Variants in PCNX2 observed in about 807,000 individuals in gnomAD.
PCNX2 encodes the protein pecanex 2, also known as pecanex-like protein 2.
Under a neutral mutation model 223.8 loss-of-function variants are expected in PCNX2, and 168 were observed. That is an observed-to-expected ratio of 0.75 (90% CI 0.66 to 0.85). The LOEUF (loss-of-function observed/expected upper bound fraction) is 0.85. Ranked by LOEUF, PCNX2 falls within the 40% of genes least tolerant of loss-of-function variation. The pLI, the probability that PCNX2 is intolerant of heterozygous loss-of-function variation, is 0.00. For missense variants in PCNX2, 2,507 were observed against 2,675.5 expected (o/e 0.94, Z 1.39); for synonymous variants, 1,006 against 1,052.6 (o/e 0.96, Z 0.86).
At chr1:233,024,723 T>G (rs1276363973) in intron 26 of PCNX2, among the ~76,000 whole-genome samples, 1 of 152,232 alleles carries the variant, frequency 6.6e-6, no homozygotes, top group Non-Finnish European at 1.5e-5. Context: ...TAGCTACATT[T>G]TGAGTTCTCC....
At chr1:233,183,325 G>A (rs888353592) in intron 15 of PCNX2, among the ~76,000 whole-genome samples, 5 of 152,046 alleles carry the variant, frequency 3.3e-5, no homozygotes, top group African/African-American at 1.2e-4. Flanking sequence ...CCAACAAGGG[G>A]CAACCTTACA....
chr1:232,998,216 T>A, intron 32 of PCNX2, 35 bp downstream of exon 32: 2 of 1,490,070 alleles, frequency 1.3e-6, no homozygotes, highest in Non-Finnish European at 1.8e-6. Context: ...CAAATAGGAC[T>A]TCATCGATAG....
At chr1:233,289,423 C>G (rs113056905) in intron 1 of PCNX2, 23 of 1,417,948 alleles carry the variant, frequency 1.6e-5, no homozygotes, top group Middle Eastern at 2.5e-4. Context: ...TTAGGCTTCA[C>G]GATCTTGGCG....
chr1:233,309,932 C>G, the PCNX2 span, among the ~76,000 whole-genome samples: 3 of 151,810 alleles, frequency 2.0e-5, no homozygotes, highest in Non-Finnish European at 4.4e-5. Context: ...TAAGAAACAA[C>G]CAAAAGAAGG....
intron 25 of PCNX2, chr1:233,033,265 A>G: frequency 1.1e-6 from 1 of 902,542 alleles, no homozygotes; most frequent in Admixed American, 6.2e-5. Context: ...AAGAAGGAAT[A>G]AACTTAATCT....
chr1:233,233,892 G>A (rs1474494697), intron 9 of PCNX2, among the ~76,000 whole-genome samples: 1 of 151,994 alleles, frequency 6.6e-6, no homozygotes, highest in Non-Finnish European at 1.5e-5. Flanking sequence ...TGGCCAGGTC[G>A]TTTCTCTGTC....
At chr1:233,013,226 C>T (rs191652551) in intron 28 of PCNX2, among the ~76,000 whole-genome samples, 36 of 152,270 alleles carry the variant, frequency 2.4e-4, no homozygotes, top group Non-Finnish European at 4.3e-4. Flanking sequence ...CCTGTAAAAA[C>T]GATCATGAAA....
chr1:233,143,282 G>T (rs142701685), intron 19 of PCNX2, among the ~76,000 whole-genome samples: 2 of 152,080 alleles, frequency 1.3e-5, no homozygotes, highest in African/African-American at 4.8e-5. Context: ...AAATCACTTC[G>T]GGGCAAAGCT....
chr1:233,319,695 G>A, the PCNX2 span, among the ~76,000 whole-genome samples: 200 of 152,168 alleles, frequency 1.3e-3, 2 homozygotes, highest in East Asian at 0.033. Flanking sequence ...TTCCCTTTGT[G>A]GACAATTCTC....
chr1:233,079,908 A>C (rs1673278987), intron 23 of PCNX2, among the ~76,000 whole-genome samples: 1 of 152,182 alleles, frequency 6.6e-6, no homozygotes, highest in Non-Finnish European at 1.5e-5. Context: ...AAAGTCCCGG[A>C]ACTCACTCTG....
rs139238207 is a variant in PCNX2 at position 233,001,059 on chromosome 1, G to T, written c.5097+478C>A. On this transcript the variant is annotated intron_variant, in intron 29 of 33. Coordinates refer to ENST00000258229, the MANE Select transcript of PCNX2 (RefSeq NM_014801.4). The surrounding 1 kb of genome is among the most constrained non-coding windows in gnomAD (Gnocchi z 4.2). ...TTCTTTTTTTTTCCCCAAGAGACAGGGTCTTGCACTGTCACCCAGGCTGGA... is the reference window on the plus strand; with the variant it reads ...TTCTTTTTTTTTCCCCAAGAGACAGTGTCTTGCACTGTCACCCAGGCTGGA... Among the ~76,000 whole-genome samples, 205 of 152,088 alleles carry T rather than the reference G, an allele frequency of 1.3e-3. 10 individuals carry two copies. The East Asian group carries it at 0.036, about 27-fold the overall frequency.
At chr1:233,114,999 C>T (rs546634596) in intron 21 of PCNX2, among the ~76,000 whole-genome samples, 103 of 152,174 alleles carry the variant, frequency 6.8e-4, no homozygotes, top group African/African-American at 2.5e-3. Context: ...CAGGCTTATC[C>T]TCCAGAGCAC....
At chr1:233,242,364 A>G (rs1254982166) in intron 8 of PCNX2, among the ~76,000 whole-genome samples, 7 of 152,308 alleles carry the variant, frequency 4.6e-5, no homozygotes, top group Admixed American at 2.6e-4. Context: ...TACTGCAAAC[A>G]AATTTGCTAC....
Position 232,991,339 on chromosome 1 carries a change from G to A in PCNX2, c.5792-4799C>T, listed in dbSNP as rs1417127202. Among the ~76,000 whole-genome samples the A allele has an allele frequency of 6.6e-6, 1 of 152,068 alleles. No homozygotes were observed. Among genetic ancestry groups the A allele is most frequent in the African/African-American group, 2.4e-5 (1 of 41,392 alleles). On this transcript the variant is annotated intron_variant, in intron 32 of 33. Transcript: ENST00000258229. This position sits in a 1 kb window ranked among gnomAD's most constrained non-coding sequence, Gnocchi z 4.3. ...GCTTGACACTGTTGAGGGACAGCAAGAGACCGTGTGCTGGGGATGTGGGCT... is the reference window on the plus strand; with the variant it reads ...GCTTGACACTGTTGAGGGACAGCAAAAGACCGTGTGCTGGGGATGTGGGCT...
At chr1:233,015,857 T>A (rs182697250) in intron 27 of PCNX2, among the ~76,000 whole-genome samples, 270 of 149,456 alleles carry the variant, frequency 1.8e-3, no homozygotes, top group African/African-American at 6.6e-3. Context: ...CTAAGGAGAG[T>A]GAGACTCTGT....
At chr1:233,272,016 A>G (rs1202924152) in intron 1 of PCNX2, among the ~76,000 whole-genome samples, 1 of 152,156 alleles carries the variant, frequency 6.6e-6, no homozygotes, top group Non-Finnish European at 1.5e-5. Flanking sequence ...TGAAAAAATG[A>G]AGACCTGAAA....
At chr1:233,117,626 C>A (rs1263108921) in intron 21 of PCNX2, among the ~76,000 whole-genome samples, 2 of 148,798 alleles carry the variant, frequency 1.3e-5, no homozygotes, top group African/African-American at 4.9e-5. Flanking sequence ...AAGACCACAA[C>A]CCCCATACAC....
chr1:233,093,708 C>T (rs545013759), intron 22 of PCNX2, among the ~76,000 whole-genome samples: 100 of 152,224 alleles, frequency 6.6e-4, no homozygotes, highest in African/African-American at 2.2e-3. Context: ...CTCCAGCCTC[C>T]AGGGAGGTCA....
In PCNX2 at chr1:233,017,115, A is replaced by G; in HGVS notation, c.4645T>C (p.Ser1549Pro). The G allele has an allele frequency of 6.2e-7, 1 of 1,613,272 alleles. No individual in the cohort carries two copies. The highest frequency in any genetic ancestry group is 8.5e-7 in the Non-Finnish European group (1 of 1,179,228). The change falls in exon 27 of 34, where the codon TCC becomes CCC. Residue 1549 changes from serine to proline, a missense_variant. Transcript: ENST00000258229. ...AGAAGTGATTCATTTTTGATCCAGGAGAGGAGTTTGGGAGACGTTACCATA... is the reference window on the plus strand; with the variant it reads ...AGAAGTGATTCATTTTTGATCCAGGGGAGGAGTTTGGGAGACGTTACCATA... ...YYMVTSPKLL[S>P]WIKNESLLKS...
Sources: allele counts gnomAD v4.1 joint callset (sites outside exome capture counted in the v4.1 genomes callset), GRCh38; gene constraint gnomAD v4.1.1; non-coding constraint Gnocchi (gnomAD v3.1); transcripts MANE v1.5; gene names NCBI Gene and HGNC (gene_info 2026-07-23, HGNC 2026-07-21).